The following DGKI variants were observed in gnomAD, a reference collection of about 807,000 sequenced individuals.
DGKI encodes diacylglycerol kinase iota.
DGKI carries 55 observed loss-of-function variants against 147.5 expected under a neutral mutation model. That is an observed-to-expected ratio of 0.37 (90% confidence interval 0.30 to 0.47). The LOEUF (loss-of-function observed/expected upper bound fraction) is 0.47, where lower values mean the gene tolerates loss of function less well. Ranked by LOEUF, DGKI falls within the 20% of genes least tolerant of loss-of-function variation. The probability of loss-of-function intolerance (pLI) is 1.00; values close to 1 mark genes in which losing one functional copy is unlikely to be tolerated. For missense variants in DGKI, 1,007 were observed against 1,323.8 expected (o/e 0.76, Z 3.71); for synonymous variants, 469 against 477.1 (o/e 0.98, Z 0.22).
At chr7:137,691,798 G>GTTTTTTTTGTT (rs1823613006) in intron 1 of DGKI, among the ~76,000 whole-genome samples, 1 of 95,816 alleles carries the variant, frequency 1.0e-5, no homozygotes, top group Non-Finnish European at 2.0e-5. Flanking sequence ...AGACCTTTGG[G>GTTTTTTTTGTT]TTTTTTTTTT....
chr7:137,457,326 T>A (rs1814243329), intron 27 of DGKI, among the ~76,000 whole-genome samples: 1 of 152,234 alleles, frequency 6.6e-6, no homozygotes, highest in African/African-American at 2.4e-5. Context: ...CTTATCTGAT[T>A]GTGAAGCTGA....
chr7:137,531,149 T>C (rs1817324462), intron 20 of DGKI, among the ~76,000 whole-genome samples: 1 of 152,044 alleles, frequency 6.6e-6, no homozygotes, highest in African/African-American at 2.4e-5. Flanking sequence ...CCACAGGAAA[T>C]AGAAACAAAT....
chr7:137,825,394 T>C (rs1482717278), intron 1 of DGKI, among the ~76,000 whole-genome samples: 2 of 152,120 alleles, frequency 1.3e-5, no homozygotes, highest in Non-Finnish European at 2.9e-5. Context: ...TGATGAAGCA[T>C]GGTGGTGGTG....
intron 23 of DGKI, among the ~76,000 whole-genome samples, chr7:137,485,156 T>C (rs1815507883): frequency 1.3e-5 from 2 of 152,078 alleles, no homozygotes; most frequent in South Asian, 4.1e-4. Context: ...CTTTTCTAAA[T>C]GATCTAGGAG....
At chr7:137,416,166 T>C (rs1812354130) in intron 28 of DGKI, among the ~76,000 whole-genome samples, 1 of 152,132 alleles carries the variant, frequency 6.6e-6, no homozygotes, top group Admixed American at 6.5e-5. Flanking sequence ...AAAGCATTTA[T>C]GTAATAAAAT....
intron 8 of DGKI, among the ~76,000 whole-genome samples, chr7:137,613,144 T>C (rs1820422131): frequency 6.6e-6 from 1 of 152,130 alleles, no homozygotes; most frequent in African/African-American, 2.4e-5. Flanking sequence ...TTTTCCAGGT[T>C]ATAAGATCAC....
At chr7:137,807,348 T>C (rs796406870) in intron 1 of DGKI, among the ~76,000 whole-genome samples, 12 of 152,338 alleles carry the variant, frequency 7.9e-5, no homozygotes, top group African/African-American at 2.9e-4. Context: ...CAGTTCCAAA[T>C]GGATTTTATG....
intron 12 of DGKI, among the ~76,000 whole-genome samples, chr7:137,594,322 T>C (rs998403597): frequency 6.6e-6 from 1 of 152,182 alleles, no homozygotes; most frequent in Non-Finnish European, 1.5e-5. Context: ...GCTGGGATTA[T>C]AGGCGTGAGC....
rs773589731 is a variant in DGKI at position 137,572,730 on chromosome 7, C to G, written c.1835+35G>C. 3 of 1,458,540 alleles carry G rather than the reference C, an allele frequency of 2.1e-6. No homozygotes were observed. In the African/African-American group the frequency reaches 4.3e-5, roughly 21 times the overall value. The allele number at this position is 1,458,540 out of a possible 1,614,324, so 90.3% of individuals were successfully genotyped here. On this transcript the variant is annotated intron_variant, in intron 18 of 32. Coordinates refer to ENST00000614521, the MANE Select transcript of DGKI (RefSeq NM_001321708.2). ...ACAGATAACCTCAAGTCAGAGTTCACGTCAAACCAAGGAAACAATACAAAC... is the reference window on the plus strand; with the variant it reads ...ACAGATAACCTCAAGTCAGAGTTCAGGTCAAACCAAGGAAACAATACAAAC...
chr7:137,619,785 T>C (rs775120704), intron 8 of DGKI, 39 bp downstream of exon 8: 7 of 1,512,320 alleles, frequency 4.6e-6, no homozygotes, highest in Non-Finnish European at 6.4e-6. Flanking sequence ...TTCATTTTTC[T>C]CTGCACTGGC....
chr7:137,436,336 C>A (rs1178908881), intron 28 of DGKI, among the ~76,000 whole-genome samples: 1 of 152,098 alleles, frequency 6.6e-6, no homozygotes, highest in Non-Finnish European at 1.5e-5. Context: ...AAATTCCCAT[C>A]TTTAATAATC....
chr7:137,479,028 G>A (rs1395435442), intron 23 of DGKI, among the ~76,000 whole-genome samples: 3 of 152,110 alleles, frequency 2.0e-5, no homozygotes, highest in Non-Finnish European at 4.4e-5. Context: ...CATATCCAAA[G>A]CTTTCAATGG....
At chr7:137,594,061 T>C (rs706564) in intron 12 of DGKI, among the ~76,000 whole-genome samples, 3,836 of 152,298 alleles carry the variant, frequency 0.025, 164 homozygotes, top group African/African-American at 0.087. Context: ...TTTTTTTCTT[T>C]CTTGAGACAG....
At chr7:137,526,969 C>T (rs1048878922) in intron 20 of DGKI, among the ~76,000 whole-genome samples, 2 of 152,228 alleles carry the variant, frequency 1.3e-5, no homozygotes, top group Non-Finnish European at 2.9e-5. Context: ...TTTTAAACCA[C>T]GGACTCCATT....
intron 28 of DGKI, among the ~76,000 whole-genome samples, chr7:137,426,615 A>G (rs1293710031): frequency 6.7e-6 from 1 of 148,862 alleles, no homozygotes; most frequent in African/African-American, 2.5e-5. Flanking sequence ...AAACTGGATA[A>G]AGACTCAAGA....
chr7:137,720,868 CA>C (rs1266038949), intron 1 of DGKI, among the ~76,000 whole-genome samples: 4 of 151,994 alleles, frequency 2.6e-5, no homozygotes, highest in African/African-American at 7.3e-5. Context: ...TGAGACAAGA[CA>C]AAAAAGCTTT....
At chr7:137,481,081 C>T (rs1815355282) in intron 23 of DGKI, among the ~76,000 whole-genome samples, 1 of 152,116 alleles carries the variant, frequency 6.6e-6, no homozygotes, top group Non-Finnish European at 1.5e-5. Context: ...TCAAGCTCTA[C>T]ACTATTGACA....
At chr7:137,425,893 A>C (rs1812781692) in intron 28 of DGKI, among the ~76,000 whole-genome samples, 1 of 152,158 alleles carries the variant, frequency 6.6e-6, no homozygotes, top group Non-Finnish European at 1.5e-5. Flanking sequence ...GAAATATGGG[A>C]CTATGTGAAA....
chr7:137,573,521 C>T (rs1189492991), intron 17 of DGKI, among the ~76,000 whole-genome samples: 3 of 152,166 alleles, frequency 2.0e-5, no homozygotes, highest in African/African-American at 7.2e-5. Flanking sequence ...TCTCCTGCCT[C>T]AGCCTCCCAA....
Sources: gnomAD v4.1 joint callset for allele counts (sites outside exome capture counted in the v4.1 genomes callset) on GRCh38, gnomAD v4.1.1 for gene constraint, MANE v1.5 for transcripts, NCBI Gene and HGNC (gene_info 2026-07-23, HGNC 2026-07-21) for gene names.